Variants in SLFN5 observed in about 807,000 individuals in gnomAD.
SLFN5 encodes the protein schlafen family member 5.
A neutral mutation model predicts 48.5 loss-of-function variants in SLFN5; 34 were observed. The ratio of observed to expected loss-of-function variants is 0.70; its 90% CI spans 0.53 to 0.93. SLFN5 has a LOEUF of 0.93. SLFN5 is among the 40% of genes least tolerant of loss of function. SLFN5 has a pLI of 0.00. For missense variants in SLFN5, 1,006 were observed against 1,071.3 expected (o/e 0.94, Z 0.85); for synonymous variants, 387 against 396.2 (o/e 0.98, Z 0.28).
chr17:35,263,363 T>A (rs1393370635), intron 3 of SLFN5, among the ~76,000 whole-genome samples: 1 of 151,718 alleles, frequency 6.6e-6, no homozygotes, highest in African/African-American at 2.4e-5. Context: ...ACTCCTGGGC[T>A]TAAGTGATCC....
chr17:35,246,746 T>C (rs1302449348), intron 1 of SLFN5, among the ~76,000 whole-genome samples: 1 of 151,216 alleles, frequency 6.6e-6, no homozygotes, highest in African/African-American at 2.4e-5. Context: ...TCCCAGCTAC[T>C]AGAGAGGCTG....
At chr17:35,260,884 A>G in intron 2 of SLFN5, 87 bp from the exon 3 acceptor site, 3 of 1,512,414 alleles carry the variant, frequency 2.0e-6, no homozygotes, top group Non-Finnish European at 2.7e-6. Context: ...GAGTTGTAAG[A>G]CTAGGTGAAA....
At position 35,259,000 on chromosome 17, in the gene SLFN5, A is replaced by G. The variant is rs1358354221; in HGVS notation, c.310A>G (p.Thr104Ala). The change falls in exon 2 of 5, where the codon ACA becomes GCA. Residue 104 changes from threonine to alanine, a missense_variant. Thr to Ala is a moderately conservative substitution (Grantham distance 58). Transcript: ENST00000299977. ...HFLIFVKSWN[T>A]EAGVPLATLC... is the part of the protein sequence containing the mutation. ...TTTGATTTTTGTGAAATCATGGAAC[A>G]CAGAGGCTGGTGTGCCACTTGCTAC... 1 of 1,614,196 alleles carries G rather than the reference A, an allele frequency of 6.2e-7. No homozygotes were observed. Among genetic ancestry groups the G allele is most frequent in the South Asian group, 1.1e-5 (1 of 91,086 alleles).
intron 1 of SLFN5, among the ~76,000 whole-genome samples, chr17:35,249,337 A>C (rs2092437410): frequency 6.6e-6 from 1 of 152,242 alleles, no homozygotes; most frequent in Non-Finnish European, 1.5e-5. Context: ...AGGACACTAC[A>C]GATATTGTAA....
At chr17:35,260,879 G>GT in intron 2 of SLFN5, 92 bp from the exon 3 acceptor site, 1 of 1,490,194 alleles carries the variant, frequency 6.7e-7, no homozygotes, top group South Asian at 1.4e-5. Context: ...GGCTTGAGTT[G>GT]TAAGACTAGG....
Position 35,252,142 on chromosome 17 carries a change from C to T in SLFN5, c.-40-6509C>T, listed in dbSNP as rs189361765. Reference sequence around the variant, plus strand: ...ATCCGTGGGAAAACTAAAAAGACAGCTGAGCGGTGGGGCATGGTGGCTCAT... The same window carrying T: ...ATCCGTGGGAAAACTAAAAAGACAGTTGAGCGGTGGGGCATGGTGGCTCAT... On this transcript the variant is annotated intron_variant, in intron 1 of 4. Coordinates refer to ENST00000299977, the MANE Select transcript of SLFN5 (RefSeq NM_144975.4). Among the ~76,000 whole-genome samples, 366 of 152,242 alleles carry T rather than the reference C, an allele frequency of 2.4e-3. 3 individuals are homozygous for T. The highest frequency in any genetic ancestry group is 8.5e-3 in the African/African-American group (353 of 41,548).
rs1904623110 is a variant in SLFN5 at position 35,264,716 on chromosome 17, A to G, written c.1672A>G (p.Asn558Asp). Residue 558 changes from asparagine to aspartate, a missense_variant, in exon 4 of 5, where the codon AAT becomes GAT. By Grantham distance (23) the Asn-to-Asp change is conservative. Coordinates refer to ENST00000299977, the MANE Select transcript of SLFN5 (RefSeq NM_144975.4). ...CTCTGAGGTTTTGAACCTACTGACAAATAAACAGTATGAGTTGCTTTCAAA... is the reference window on the plus strand; with the variant it reads ...CTCTGAGGTTTTGAACCTACTGACAGATAAACAGTATGAGTTGCTTTCAAA... The part of the protein sequence containing the change: ...LGSEVLNLLT[N>D]KQYELLSKNL... 2 of 1,607,228 alleles carry G rather than the reference A, an allele frequency of 1.2e-6. No homozygotes were observed. The highest frequency in any genetic ancestry group is 1.7e-6 in the Non-Finnish European group (2 of 1,177,694).
chr17:35,262,160 C>T (rs1440260336), intron 3 of SLFN5, among the ~76,000 whole-genome samples: 2 of 151,984 alleles, frequency 1.3e-5, no homozygotes, highest in Non-Finnish European at 2.9e-5. Context: ...GCAGGCGGAT[C>T]ACAAGGTCAA....
At chr17:35,252,711 C>A (rs1009627596) in intron 1 of SLFN5, among the ~76,000 whole-genome samples, 2 of 151,556 alleles carry the variant, frequency 1.3e-5, no homozygotes, top group Non-Finnish European at 2.9e-5. Flanking sequence ...AAATTTTCTT[C>A]AAAAATGTTT....
At chr17:35,259,928 G>A in intron 2 of SLFN5, 2 of 541,396 alleles carry the variant, frequency 3.7e-6, no homozygotes, top group Admixed American at 3.4e-5. Flanking sequence ...GCCCTGGCTA[G>A]TAGCCCCATT....
chr17:35,257,713 T>C (rs554838056), intron 1 of SLFN5, among the ~76,000 whole-genome samples: 1 of 144,220 alleles, frequency 6.9e-6, no homozygotes, highest in South Asian at 2.1e-4. Context: ...ATATATATGA[T>C]TTTTTTTTGA....
Position 35,259,559 on chromosome 17 carries a change from G to A in SLFN5, c.869G>A (p.Arg290His), listed in dbSNP as rs751779375. Reference sequence around the variant, plus strand: ...GAAGTGCATGATAAGGGGGCCCTCCGTGGATATGTCTGTGCAATCAAGGTG... The same window carrying A: ...GAAGTGCATGATAAGGGGGCCCTCCATGGATATGTCTGTGCAATCAAGGTG... ...FLEVHDKGAL[R>H]GYVCAIKVEK... is the part of the protein sequence containing the mutation. Residue 290 changes from arginine to histidine, a missense_variant, in exon 2 of 5, where the codon CGT (arginine) becomes CAT (histidine). By Grantham distance (29) the Arg-to-His change is conservative. Coordinates refer to ENST00000299977, the MANE Select transcript of SLFN5 (RefSeq NM_144975.4). The A allele has an allele frequency of 2.9e-5, 47 of 1,613,790 alleles. No individual in the cohort carries two copies. Among genetic ancestry groups the A allele is most frequent in the East Asian group, 1.8e-4 (8 of 44,904 alleles).
chr17:35,251,237 T>C (rs1007461779), intron 1 of SLFN5, among the ~76,000 whole-genome samples: 1 of 152,218 alleles, frequency 6.6e-6, no homozygotes, highest in African/African-American at 2.4e-5. Context: ...TTATTTGCTG[T>C]AGCCTCACTC....
At position 35,266,109 on chromosome 17, in the gene SLFN5, A is replaced by G. The variant is rs948378891; in HGVS notation, c.*221A>G. ...AAGGAATTTCCCATGGTAAAAAGGG[A>G]TATCAGTAATTAGAGGACCGTGAGA... On this transcript the variant is annotated 3_prime_UTR_variant, in exon 5 of 5. Transcript: ENST00000299977. 3 of 534,718 alleles carry G rather than the reference A, an allele frequency of 5.6e-6. No individual in the cohort carries two copies. Among genetic ancestry groups the G allele is most frequent in the Non-Finnish European group, 9.8e-6 (3 of 304,724 alleles). 33.1% of individuals were successfully genotyped at this position (534,718 alleles called of 1,614,324 possible). A position where few individuals can be genotyped will look rare whatever the true frequency, so the allele number is the denominator to read the frequency against.
chr17:35,253,357 G>GCTCT (rs773200951), intron 1 of SLFN5, among the ~76,000 whole-genome samples: 2 of 84,244 alleles, frequency 2.4e-5, no homozygotes, highest in Admixed American at 2.8e-4. Context: ...TGACTGTATA[G>GCTCT]CACTCTCTCT....
chr17:35,260,459 T>C (rs1390655286), intron 2 of SLFN5, among the ~76,000 whole-genome samples: 2 of 152,162 alleles, frequency 1.3e-5, no homozygotes, highest in Non-Finnish European at 2.9e-5. Context: ...GCACGGTGGC[T>C]CATGCCTGTA....
At chr17:35,263,809 C>T (rs1351576942) in intron 3 of SLFN5, among the ~76,000 whole-genome samples, 1 of 48,222 alleles carries the variant, frequency 2.1e-5, no homozygotes, top group Non-Finnish European at 3.6e-5. Flanking sequence ...AAGACTCCAT[C>T]TCAAAAAAAA....
intron 1 of SLFN5, among the ~76,000 whole-genome samples, chr17:35,251,752 C>G (rs1228650313): frequency 7.0e-6 from 1 of 143,224 alleles, no homozygotes; most frequent in African/African-American, 2.6e-5. Flanking sequence ...CTTGTTCTGT[C>G]GCCCACGCTG....
intron 1 of SLFN5, among the ~76,000 whole-genome samples, chr17:35,253,142 G>A (rs9898386): frequency 0.078 from 11,870 of 151,864 alleles, 962 homozygotes; most frequent in East Asian, 0.21. Context: ...CTGGGTCCTC[G>A]CATGGTAGCG....
Sources: allele counts gnomAD v4.1 joint callset (sites outside exome capture counted in the v4.1 genomes callset), GRCh38; gene constraint gnomAD v4.1.1; transcripts MANE v1.5; gene names NCBI Gene and HGNC (gene_info 2026-07-23, HGNC 2026-07-21).